DKK2: variants seen among roughly 807,000 people sequenced by gnomAD.
DKK2 encodes dickkopf Wnt signaling pathway inhibitor 2.
A neutral mutation model predicts 28.1 loss-of-function variants in DKK2; 11 were observed. That is an observed-to-expected ratio of 0.39 (90% confidence interval 0.25 to 0.65). The LOEUF (loss-of-function observed/expected upper bound fraction) is 0.65. Among genes scored for constraint, DKK2 ranks in the 30% least tolerant of loss-of-function variants. The pLI is 0.47. For missense variants in DKK2, 326 were observed against 335.5 expected, an observed-to-expected ratio of 0.97 and a Z score of 0.22; for synonymous variants, 135 against 126.5, an observed-to-expected ratio of 1.07 and a Z score of -0.45.
At chr4:107,028,280 G>T (rs990285938) in intron 1 of DKK2, among the ~76,000 whole-genome samples, 3 of 152,050 alleles carry the variant, frequency 2.0e-5, no homozygotes, top group Non-Finnish European at 2.9e-5. Flanking sequence ...GAGTTCATTT[G>T]TTTCCTTCTT....
chr4:106,961,613 CAA>C (rs1722686735), intron 1 of DKK2, among the ~76,000 whole-genome samples: 1 of 141,498 alleles, frequency 7.1e-6, no homozygotes, highest in Non-Finnish European at 1.6e-5. Flanking sequence ...TGGTAAAAGT[CAA>C]AAGTCACAGA....
chr4:107,008,495 A>T (rs1180737980), intron 1 of DKK2, among the ~76,000 whole-genome samples: 1 of 152,058 alleles, frequency 6.6e-6, no homozygotes, highest in East Asian at 1.9e-4. Flanking sequence ...GATGAGTAAG[A>T]GATATCCAAG....
intron 1 of DKK2, among the ~76,000 whole-genome samples, chr4:106,937,481 C>A (rs1409916328): frequency 1.5e-5 from 2 of 137,110 alleles, no homozygotes; most frequent in Non-Finnish European, 3.1e-5. Context: ...TCCTGAGTGA[C>A]CTACAAAGAG....
At chr4:106,966,872 T>TC (rs774599180) in intron 1 of DKK2, among the ~76,000 whole-genome samples, 2 of 151,814 alleles carry the variant, frequency 1.3e-5, no homozygotes, top group East Asian at 1.9e-4. Context: ...TTCAATCACC[T>TC]CCCCCCTGGT....
In DKK2 at chr4:107,035,973, A is replaced by C; in HGVS notation, c.-382T>G. On this transcript the variant is annotated 5_prime_UTR_variant, in exon 1 of 4. Transcript: ENST00000285311. Reference sequence around the variant, plus strand: ...GTCCCGCCGGGATCTCGGCGGTTTAACTCTCCTCTTAATTGATCAGGAGGC... The same window carrying C: ...GTCCCGCCGGGATCTCGGCGGTTTACCTCTCCTCTTAATTGATCAGGAGGC... 3.8e-6 allele frequency: 1 copy of C among 263,344 alleles called. No homozygotes were observed. The highest frequency in any genetic ancestry group is 9.7e-5 in the East Asian group (1 of 10,360). 16.3% of individuals were successfully genotyped at this position (263,344 alleles called of 1,614,324 possible).
Position 106,991,035 on chromosome 4 carries a change from T to C in DKK2, c.222+44335A>G, listed in dbSNP as rs549415007. Among the ~76,000 whole-genome samples, 734 of 152,270 alleles carry C rather than the reference T, an allele frequency of 4.8e-3. 6 individuals carry two copies. Among genetic ancestry groups the C allele is most frequent in the African/African-American group, 0.017 (708 of 41,542 alleles). ...AGATGAAAAATTTTTGTTCTGTGAG[T>C]ATAGAGCTTGTGCAAAGGAAAAATG... is the stretch of plus-strand genomic sequence containing the variant. On this transcript the variant is annotated intron_variant, in intron 1 of 3. Transcript: ENST00000285311.
rs888233249 is a variant in DKK2, at chr4:106,994,776, C to T, written c.222+40594G>A. ...GGCCCATATGGCCCCCTGCTGCTCT[C>T]CTTTGAAGTCCTGGTGCTACTCCAT... On this transcript the variant is annotated intron_variant, in intron 1 of 3. Transcript: ENST00000285311. Among the ~76,000 whole-genome samples, 12 of 152,314 alleles carry T rather than the reference C, an allele frequency of 7.9e-5. No individual in the cohort carries two copies. In the East Asian group the frequency reaches 2.1e-3, roughly 27 times the overall value.
chr4:107,018,489 T>C (rs1723643694), intron 1 of DKK2, among the ~76,000 whole-genome samples: 1 of 152,088 alleles, frequency 6.6e-6, no homozygotes, highest in African/African-American at 2.4e-5. Context: ...AAGGCTCATA[T>C]CTGAGAGATG....
At chr4:106,959,550 C>G (rs913454335) in intron 1 of DKK2, among the ~76,000 whole-genome samples, 1 of 151,916 alleles carries the variant, frequency 6.6e-6, no homozygotes, top group East Asian at 1.9e-4. Context: ...GATCTAGACT[C>G]AAAATTTGTA....
At chr4:106,924,757 A>G in intron 2 of DKK2, 57 bp from the exon 3 acceptor site, 1 of 1,518,626 alleles carries the variant, frequency 6.6e-7, no homozygotes, top group Non-Finnish European at 9.0e-7. Context: ...TGTGATACTT[A>G]TCCACATACT....
Position 106,980,730 on chromosome 4 carries a change from T to A in DKK2, c.222+54640A>T, listed in dbSNP as rs544725714. Among the ~76,000 whole-genome samples the A allele has an allele frequency of 1.6e-4, 25 of 152,316 alleles. No individual in the cohort carries two copies. In the South Asian group the frequency reaches 5.2e-3, roughly 32 times the overall value. Reference sequence around the variant, plus strand: ...ATGCTTATTAAGCAGGTTTCATGTGTAAAGGAAATTAAATGCACTGTCATA... The same window carrying A: ...ATGCTTATTAAGCAGGTTTCATGTGAAAAGGAAATTAAATGCACTGTCATA... On this transcript the variant is annotated intron_variant, in intron 1 of 3. Transcript: ENST00000285311.
intron 1 of DKK2, among the ~76,000 whole-genome samples, chr4:106,942,020 A>G (rs1297328486): frequency 3.3e-5 from 5 of 152,170 alleles, no homozygotes; most frequent in Non-Finnish European, 7.3e-5. Flanking sequence ...CAAGGGCAAA[A>G]GAGATTTATG....
intron 1 of DKK2, among the ~76,000 whole-genome samples, chr4:106,956,939 A>C (rs1265574149): frequency 6.6e-6 from 1 of 151,524 alleles, no homozygotes; most frequent in African/African-American, 2.4e-5. Flanking sequence ...GCACAGCAAA[A>C]GAAACTACCA....
At chr4:107,028,099 C>T (rs77258488) in intron 1 of DKK2, among the ~76,000 whole-genome samples, 1,617 of 152,268 alleles carry the variant, frequency 0.011, 17 homozygotes, top group Non-Finnish European at 0.017. Context: ...CATGCTCTTT[C>T]CACAATTCCA....
At chr4:106,961,559 C>T (rs1390070243) in intron 1 of DKK2, among the ~76,000 whole-genome samples, 3 of 131,404 alleles carry the variant, frequency 2.3e-5, no homozygotes, top group African/African-American at 2.7e-5. Context: ...CAGCCGCCAA[C>T]AGCCTGCACA....
intron 1 of DKK2, among the ~76,000 whole-genome samples, chr4:106,937,508 A>G (rs1391338063): frequency 1.4e-5 from 2 of 145,024 alleles, no homozygotes; most frequent in African/African-American, 2.5e-5. Flanking sequence ...ACTCCCACAC[A>G]TTAATAATGG....
chr4:106,983,336 G>GAAA (rs1560585811), intron 1 of DKK2, among the ~76,000 whole-genome samples: 34 of 116,322 alleles, frequency 2.9e-4, no homozygotes, highest in South Asian at 2.8e-3. Context: ...AAGGAAGAAA[G>GAAA]GAAGAAAGAA....
intron 1 of DKK2, among the ~76,000 whole-genome samples, chr4:106,986,147 T>C (rs1723116784): frequency 2.0e-5 from 3 of 152,186 alleles, no homozygotes; most frequent in African/African-American, 7.2e-5. Context: ...TCAACTTCTA[T>C]TTATTTCCAG....
intron 1 of DKK2, among the ~76,000 whole-genome samples, chr4:106,949,873 C>T (rs1724833189): frequency 6.6e-6 from 1 of 152,088 alleles, no homozygotes; most frequent in Non-Finnish European, 1.5e-5. Context: ...CTAGACAGAA[C>T]ATTTGTTAAA....
Sources: gnomAD v4.1 joint callset for allele counts (sites outside exome capture counted in the v4.1 genomes callset) on GRCh38, gnomAD v4.1.1 for gene constraint, MANE v1.5 for transcripts, NCBI Gene and HGNC (gene_info 2026-07-23, HGNC 2026-07-21) for gene names.